Variants in SHROOM3 observed in about 807,000 individuals in gnomAD.
SHROOM3 encodes the protein protein Shroom3.
In SHROOM3, 47 loss-of-function variants were observed where a neutral mutation model predicts 138.6. The ratio of observed to expected loss-of-function variants is 0.34; its 90% confidence interval spans 0.27 to 0.43. The LOEUF (loss-of-function observed/expected upper bound fraction) is 0.43, where lower values mean the gene tolerates loss of function less well. Among genes scored for constraint, SHROOM3 ranks in the 20% least tolerant of loss-of-function variants. The pLI is 1.00. For missense variants in SHROOM3, 2,491 were observed against 2,596.5 expected (o/e 0.96, Z 0.88); for synonymous variants, 1,062 against 1,063.3 (o/e 1.00, Z 0.02).
intron 2 of SHROOM3, among the ~76,000 whole-genome samples, chr4:76,668,715 G>A (rs1043046687): frequency 2.0e-5 from 3 of 152,224 alleles, no homozygotes; most frequent in African/African-American, 7.2e-5. Flanking sequence ...ACAAATCAAT[G>A]AAACAGACAC....
intron 2 of SHROOM3, among the ~76,000 whole-genome samples, chr4:76,703,808 G>A (rs1719970184): frequency 6.6e-6 from 1 of 152,152 alleles, no homozygotes; most frequent in Non-Finnish European, 1.5e-5. Context: ...AAATCAAAAG[G>A]AATTTCTCCA....
intron 2 of SHROOM3, among the ~76,000 whole-genome samples, chr4:76,652,597 C>G (rs116534095): frequency 0.023 from 3,506 of 152,280 alleles, 137 homozygotes; most frequent in African/African-American, 0.08. Context: ...CTTAACTGTG[C>G]TATGTCGAAT....
rs946407352 is a variant in SHROOM3, at chr4:76,455,075, A to C, written c.168+18855A>C. Among the ~76,000 whole-genome samples, 13 of 152,138 alleles carry C rather than the reference A, an allele frequency of 8.5e-5. No homozygotes were observed. In the East Asian group the frequency reaches 9.6e-4, roughly 11 times the overall value. On this transcript the variant is annotated intron_variant, in intron 1 of 10. Transcript: ENST00000296043. ...GAATCTTTGGAGGTTTCTACATATA[A>C]AATAATGTCAATGGAGATAATTTTA... is the stretch of plus-strand genomic sequence containing the variant.
chr4:76,648,356 A>G (rs965322235), intron 2 of SHROOM3, among the ~76,000 whole-genome samples: 39 of 152,208 alleles, frequency 2.6e-4, no homozygotes, highest in African/African-American at 9.1e-4. Context: ...AAAACAAAAA[A>G]CCAATGCTTA....
At chr4:76,614,665 G>A (rs1311466905) in intron 2 of SHROOM3, among the ~76,000 whole-genome samples, 1 of 152,066 alleles carries the variant, frequency 6.6e-6, no homozygotes, top group African/African-American at 2.4e-5. Flanking sequence ...AACAGGCCCT[G>A]ATGTGTGGTG....
chr4:76,660,867 A>G (rs939935747), intron 2 of SHROOM3, among the ~76,000 whole-genome samples: 3 of 152,114 alleles, frequency 2.0e-5, no homozygotes, highest in African/African-American at 7.2e-5. Flanking sequence ...CAGGAGCACA[A>G]TCATAGCTCA....
chr4:76,756,576 A>G lies in SHROOM3; in HGVS notation c.4837A>G (p.Thr1613Ala). 2 of 1,612,602 alleles carry G rather than the reference A, an allele frequency of 1.2e-6. No individual in the cohort carries two copies. Among genetic ancestry groups the G allele is most frequent in the African/African-American group, 2.7e-5 (2 of 74,422 alleles). The change falls in exon 8 of 11, where the codon ACA (threonine) becomes GCA (alanine). Residue 1613 changes from threonine to alanine, a missense_variant. By Grantham distance (58) the Thr-to-Ala change is moderately conservative. This residue lies in a region of SHROOM3 where 470 missense variants were observed against 595.0 expected (regional missense o/e 0.79). Transcript: ENST00000296043. ...TATCAAGGGTTCAGAGGCTGAGTCC[A>G]CACCACCCTCCTTCATGAGCGTTCA... is the stretch of plus-strand genomic sequence containing the variant. ...TSIKGSEAESTPPSFMSVHAQ... is the reference protein window; with the variant it reads ...TSIKGSEAESAPPSFMSVHAQ...
intron 2 of SHROOM3, among the ~76,000 whole-genome samples, chr4:76,629,638 A>T (rs149378250): frequency 6.6e-6 from 1 of 152,062 alleles, no homozygotes; most frequent in African/African-American, 2.4e-5. Flanking sequence ...GAGATGGGAG[A>T]TGTGGTTGGA....
chr4:76,606,447 C>T (rs1734624434), intron 2 of SHROOM3, among the ~76,000 whole-genome samples: 1 of 151,980 alleles, frequency 6.6e-6, no homozygotes, highest in Non-Finnish European at 1.5e-5. Context: ...CAGTGGCTCA[C>T]ACCTGTAATC....
chr4:76,625,659 C>T (rs569804103), intron 2 of SHROOM3, among the ~76,000 whole-genome samples: 7 of 152,300 alleles, frequency 4.6e-5, no homozygotes, highest in Admixed American at 2.0e-4. Context: ...CTCCAATCGC[C>T]GAGAACCATG....
intron 1 of SHROOM3, among the ~76,000 whole-genome samples, chr4:76,498,511 C>A (rs538447142): frequency 6.6e-6 from 1 of 152,104 alleles, no homozygotes; most frequent in East Asian, 2.0e-4. Flanking sequence ...CTTTTTCTTT[C>A]TTTGTGAATC....
At chr4:76,483,102 T>C (rs1184998290) in intron 1 of SHROOM3, among the ~76,000 whole-genome samples, 13 of 152,162 alleles carry the variant, frequency 8.5e-5, no homozygotes, top group Non-Finnish European at 1.9e-4. Context: ...AAGGACTTCA[T>C]GAATAAAACA....
chr4:76,599,926 G>A (rs1488876179), intron 2 of SHROOM3, among the ~76,000 whole-genome samples: 2 of 152,214 alleles, frequency 1.3e-5, no homozygotes, highest in South Asian at 2.1e-4. Context: ...CACTTTGGGA[G>A]GCCAAGGTGG....
rs1721254157 is a variant in SHROOM3 at position 76,741,476 on chromosome 4, C to T, written c.3303C>T (p.Ala1101=). 2 of 1,561,298 alleles carry T rather than the reference C, an allele frequency of 1.3e-6. No individual in the cohort carries two copies. Among genetic ancestry groups the T allele is most frequent in the African/African-American group, 2.7e-5 (2 of 73,784 alleles). Residue 1101 remains alanine, a synonymous_variant, in exon 5 of 11, where the codon GCC becomes GCT. Transcript: ENST00000296043. The surrounding 1 kb of genome is among the most constrained non-coding windows in gnomAD (Gnocchi z 6.2). ...QRKTGKRPTS[A]AGCSLQEPGP... ...AGACCGGCAAGCGGCCTACCTCCGC[C>T]GCCGGCTGCAGCCTCCAGGAGCCCG...
intron 1 of SHROOM3, among the ~76,000 whole-genome samples, chr4:76,517,824 T>G (rs186987284): frequency 6.6e-6 from 1 of 152,254 alleles, no homozygotes; most frequent in East Asian, 1.9e-4. Flanking sequence ...CTTGGACCAC[T>G]CATTTAACCA....
intron 1 of SHROOM3, among the ~76,000 whole-genome samples, chr4:76,504,290 CT>C (rs1732160092): frequency 6.6e-6 from 1 of 152,102 alleles, no homozygotes; most frequent in South Asian, 2.1e-4. Context: ...TCCCAAGTAG[CT>C]TGGATTACAG....
At chr4:76,727,325 C>T (rs2110126613) in intron 3 of SHROOM3, among the ~76,000 whole-genome samples, 1 of 152,270 alleles carries the variant, frequency 6.6e-6, no homozygotes, top group South Asian at 2.1e-4. Flanking sequence ...TAAACCCTTA[C>T]TCCCAGACTT....
At chr4:76,710,439 A>T in intron 3 of SHROOM3, 152 bp downstream of exon 3, 1 of 916,244 alleles carries the variant, frequency 1.1e-6, no homozygotes, top group South Asian at 1.4e-5. Flanking sequence ...GCGAGATAGA[A>T]GCTCAGAGTT....
In SHROOM3 at chr4:76,754,974, C is replaced by T. The variant is rs747325395; in HGVS notation, c.4491C>T (p.Ser1497=). The T allele has an allele frequency of 3.1e-6, 5 of 1,614,074 alleles. No individual in the cohort carries two copies. In the South Asian group the frequency reaches 5.5e-5, roughly 18 times the overall value. ...TATCTGAGTCTGTCCTGCGGGACTC[C>T]CCGCCACCTCATGAGGATTATGAAG... ...LRISESVLRD[S]PPPHEDYEDE... is the part of the protein sequence containing the mutation. The change falls in exon 7 of 11, where the codon TCC becomes TCT. Residue 1497 remains serine (S), a synonymous_variant. Transcript: ENST00000296043.
Sources: gnomAD v4.1 joint callset for allele counts (sites outside exome capture counted in the v4.1 genomes callset) on GRCh38, gnomAD v4.1.1 for gene constraint, gnomAD v4.1.1 regional missense constraint, Gnocchi (gnomAD v3.1) non-coding constraint, MANE v1.5 for transcripts, NCBI Gene and HGNC (gene_info 2026-07-23, HGNC 2026-07-21) for gene names.